UCHL3: variants seen among roughly 807,000 people sequenced by gnomAD.
UCHL3 encodes the protein ubiquitin C-terminal hydrolase L3.
A neutral mutation model predicts 35.8 loss-of-function variants in UCHL3; 22 were observed. That is an observed-to-expected ratio of 0.61 (90% CI 0.44 to 0.88). UCHL3 has a LOEUF of 0.88. UCHL3 is among the 40% of genes least tolerant of loss of function. The probability of loss-of-function intolerance (pLI) is 0.00; values close to 1 mark genes in which losing one functional copy is unlikely to be tolerated. For synonymous variants in UCHL3, 90 were observed against 92.8 expected, an observed-to-expected ratio of 0.97 and a Z score of 0.17; for missense variants, 229 against 276.9, an observed-to-expected ratio of 0.83 and a Z score of 1.23.
At chr13:75,592,433 T>TATACATATATAC (rs1566227946) in intron 6 of UCHL3, among the ~76,000 whole-genome samples, 1 of 99,112 alleles carries the variant, frequency 1.0e-5, no homozygotes, top group Non-Finnish European at 2.1e-5. Context: ...TATATATATA[T>TATACATATATAC]ATATATATAT....
chr13:75,570,423 A>G (rs2031818649), intron 6 of UCHL3, among the ~76,000 whole-genome samples: 1 of 152,092 alleles, frequency 6.6e-6, no homozygotes, highest in East Asian at 1.9e-4. Context: ...TTTTTAGTAG[A>G]GACGGGGTTT....
In UCHL3 at chr13:75,560,754, T is replaced by G; in HGVS notation, c.56T>G (p.Phe19Cys). ...TTTTTTCTTTCTTTCTTTTACCAGT[T>G]TCTTAAACAATTAGGTCTACATCCT... ...LEANPEVTNQ[F>C]LKQLGLHPNW... The change falls in exon 3 of 9, where the codon TTT becomes TGT. Residue 19 changes from phenylalanine (F) to cysteine (C), a missense_variant and splice_region_variant. Coordinates refer to ENST00000377595, the MANE Select transcript of UCHL3 (RefSeq NM_006002.5). 1 of 1,597,566 alleles carries G rather than the reference T, an allele frequency of 6.3e-7. No individual in the cohort carries two copies. Among genetic ancestry groups the G allele is most frequent in the Non-Finnish European group, 8.5e-7 (1 of 1,175,328 alleles).
chr13:75,559,214 G>A (rs769912226), intron 2 of UCHL3, among the ~76,000 whole-genome samples: 2 of 151,758 alleles, frequency 1.3e-5, no homozygotes, highest in Non-Finnish European at 2.9e-5. Context: ...TAATTTTTTT[G>A]TATTTTTAGT....
At chr13:75,560,645 G>T in intron 2 of UCHL3, 108 bp from the exon 3 acceptor site, 2 of 1,038,444 alleles carry the variant, frequency 1.9e-6, no homozygotes, top group South Asian at 1.7e-5. Context: ...ATTAGATACA[G>T]AGTACATATT....
intron 6 of UCHL3, among the ~76,000 whole-genome samples, chr13:75,592,782 T>C (rs994221165): frequency 2.0e-5 from 3 of 152,014 alleles, no homozygotes; most frequent in Non-Finnish European, 4.4e-5. Context: ...ATTTTTAGTA[T>C]GCACTTTTAG....
intron 6 of UCHL3, among the ~76,000 whole-genome samples, chr13:75,579,549 C>T (rs1003659262): frequency 7.2e-5 from 11 of 151,936 alleles, no homozygotes; most frequent in African/African-American, 2.2e-4. Context: ...GTCTGTCTTC[C>T]CTTCTTTTTT....
At position 75,560,796 on chromosome 13, in the gene UCHL3, A is replaced by T. The variant is rs1180704709; in HGVS notation, c.98A>T (p.Asp33Val). ...CTACATCCTAACTGGCAATTCGTTGATGTATATGGAATGGATCCTGAACTC... is the reference window on the plus strand; with the variant it reads ...CTACATCCTAACTGGCAATTCGTTGTTGTATATGGAATGGATCCTGAACTC... ...LGLHPNWQFV[D>V]VYGMDPELLS... Residue 33 changes from aspartate to valine, a missense_variant, in exon 3 of 9, where the codon GAT (aspartate) becomes GTT (valine). By Grantham distance (152) the Asp-to-Val change is radical. Coordinates refer to ENST00000377595, the MANE Select transcript of UCHL3 (RefSeq NM_006002.5). 6.2e-7 allele frequency: 1 copy of T among 1,601,256 alleles called. No homozygotes were observed. Among genetic ancestry groups the T allele is most frequent in the Non-Finnish European group, 8.5e-7 (1 of 1,175,988 alleles).
At position 75,558,104 on chromosome 13, in the gene UCHL3, A is replaced by C. The variant is rs8192740; in HGVS notation, c.55-2649A>C. 2.7e-4 allele frequency among the ~76,000 whole-genome samples: 41 copies of C among 152,190 alleles called. No individual in the cohort carries two copies. The East Asian group carries it at 7.5e-3, about 28-fold the overall frequency. ...GTGAGCCTGACTCATGGCAATCTGG[A>C]GTCAGGATCTAACAATATATTCAGT... On this transcript the variant is annotated intron_variant, in intron 2 of 8. Coordinates refer to ENST00000377595, the MANE Select transcript of UCHL3 (RefSeq NM_006002.5).
rs12865911 is a variant in UCHL3, at chr13:75,599,152, T to G, written c.550+4162T>G. On this transcript the variant is annotated intron_variant, in intron 7 of 8. Coordinates refer to ENST00000377595, the MANE Select transcript of UCHL3 (RefSeq NM_006002.5). ...CCTGGCTATTTTTTTTTTTTTTTTT[T>G]GTAAATTGGGGTCTAGCTATGTTGC... Among the ~76,000 whole-genome samples the G allele has an allele frequency of 4.5e-4, 55 of 123,270 alleles. 1 individual carries two copies. Among genetic ancestry groups the G allele is most frequent in the Non-Finnish European group, 6.7e-4 (39 of 58,198 alleles). The allele number at this position is 123,270 out of a possible 152,430, so 80.9% of individuals were successfully genotyped here. A position where few individuals can be genotyped will look rare whatever the true frequency, so the allele number is the denominator to read the frequency against.
chr13:75,560,230 T>C (rs1219509946), intron 2 of UCHL3, among the ~76,000 whole-genome samples: 1 of 152,218 alleles, frequency 6.6e-6, no homozygotes, highest in East Asian at 1.9e-4. Flanking sequence ...ATAAACTATG[T>C]TGATTTTCTG....
At chr13:75,574,526 C>T (rs533364061) in intron 6 of UCHL3, among the ~76,000 whole-genome samples, 1 of 152,216 alleles carries the variant, frequency 6.6e-6, no homozygotes, top group Non-Finnish European at 1.5e-5. Context: ...TATACTGACT[C>T]CACTGCTTAT....
At chr13:75,591,086 A>G (rs2138560763) in intron 6 of UCHL3, among the ~76,000 whole-genome samples, 1 of 152,306 alleles carries the variant, frequency 6.6e-6, no homozygotes. Context: ...TGGCTTTTGA[A>G]GCCAGAGGAG....
At chr13:75,585,697 A>G (rs1290251479) in intron 6 of UCHL3, among the ~76,000 whole-genome samples, 1 of 152,104 alleles carries the variant, frequency 6.6e-6, no homozygotes, top group Non-Finnish European at 1.5e-5. Context: ...TGTACTATAA[A>G]TTTATAGCAC....
At chr13:75,572,891 A>G (rs1374428824) in intron 6 of UCHL3, among the ~76,000 whole-genome samples, 1 of 152,148 alleles carries the variant, frequency 6.6e-6, no homozygotes, top group East Asian at 1.9e-4. Context: ...AAAAATCTGT[A>G]TGTTTCAAAA....
At chr13:75,590,774 G>C (rs953871397) in intron 6 of UCHL3, among the ~76,000 whole-genome samples, 1 of 152,052 alleles carries the variant, frequency 6.6e-6, no homozygotes, top group Non-Finnish European at 1.5e-5. Flanking sequence ...ATTGATGTAG[G>C]CTTCCCACAA....
intron 7 of UCHL3, among the ~76,000 whole-genome samples, chr13:75,595,680 G>A (rs551672092): frequency 1.7e-4 from 23 of 133,848 alleles, no homozygotes; most frequent in African/African-American, 6.4e-4. Context: ...TCAGGGTTTT[G>A]TAATGTTCCT....
chr13:75,579,687 A>G (rs988206314), intron 6 of UCHL3, among the ~76,000 whole-genome samples: 1 of 152,170 alleles, frequency 6.6e-6, no homozygotes, highest in African/African-American at 2.4e-5. Flanking sequence ...ACCAGTTCAC[A>G]CTTCCAGATC....
chr13:75,566,652 G>A lies in UCHL3; in HGVS notation c.184-43G>A, dbSNP rs188232455. The A allele has an allele frequency of 3.1e-5, 38 of 1,223,274 alleles. No homozygotes were observed. In the African/African-American group the frequency reaches 3.9e-4, roughly 12 times the overall value. The allele number at this position is 1,223,274 out of a possible 1,614,324, so 75.8% of individuals were successfully genotyped here. A position where few individuals can be genotyped will look rare whatever the true frequency, so the allele number is the denominator to read the frequency against. ...TTTTACAGACTGAGTTTTTTAATAT[G>A]TTATTTTCCACAAATACACTGTTGA... On this transcript the variant is annotated intron_variant, in intron 3 of 8. Coordinates refer to ENST00000377595, the MANE Select transcript of UCHL3 (RefSeq NM_006002.5).
chr13:75,551,606 A>T (rs2031111637), intron 2 of UCHL3, among the ~76,000 whole-genome samples: 1 of 152,206 alleles, frequency 6.6e-6, no homozygotes, highest in Admixed American at 6.5e-5. Flanking sequence ...ATAAAAAGTA[A>T]CATATGACCA....
Sources: gnomAD v4.1 joint callset for allele counts (sites outside exome capture counted in the v4.1 genomes callset) on GRCh38, gnomAD v4.1.1 for gene constraint, MANE v1.5 for transcripts, NCBI Gene and HGNC (gene_info 2026-07-23, HGNC 2026-07-21) for gene names.